The following EYA3 variants were observed in gnomAD, a reference collection of about 807,000 sequenced individuals.
EYA3 encodes protein phosphatase EYA3.
Under a neutral mutation model 80.0 loss-of-function variants are expected in EYA3, and 39 were observed. That is an observed-to-expected ratio of 0.49 (90% CI 0.38 to 0.64). The LOEUF is 0.64. Ranked by LOEUF, EYA3 falls within the 30% of genes least tolerant of loss-of-function variation. The pLI, the probability that EYA3 is intolerant of heterozygous loss-of-function variation, is 0.00. For synonymous variants in EYA3, 206 were observed against 232.8 expected, an observed-to-expected ratio of 0.88 and a Z score of 1.05; for missense variants, 523 against 676.1, an observed-to-expected ratio of 0.77 and a Z score of 2.51.
At chr1:28,059,423 A>G (rs1571919052) in intron 1 of EYA3, among the ~76,000 whole-genome samples, 2 of 152,354 alleles carry the variant, frequency 1.3e-5, no homozygotes, top group East Asian at 3.9e-4. Flanking sequence ...ACAGAGTGCA[A>G]TAAGTAAAGC....
intron 5 of EYA3, among the ~76,000 whole-genome samples, chr1:28,038,168 C>T (rs1437490498): frequency 6.6e-6 from 1 of 152,080 alleles, no homozygotes; most frequent in Non-Finnish European, 1.5e-5. Flanking sequence ...ACAGGCTGGG[C>T]GTGATGGCTC....
intron 1 of EYA3, among the ~76,000 whole-genome samples, chr1:28,059,029 A>G (rs759718426): frequency 3.9e-5 from 6 of 152,358 alleles, no homozygotes; most frequent in Non-Finnish European, 8.8e-5. Context: ...CCTAACTCAC[A>G]TACAAAGCTA....
intron 1 of EYA3, among the ~76,000 whole-genome samples, chr1:28,081,361 A>C (rs1645422488): frequency 6.6e-6 from 1 of 152,250 alleles, no homozygotes; most frequent in South Asian, 2.1e-4. Flanking sequence ...CTATAGCAGA[A>C]GAACACCTGG....
intron 8 of EYA3, among the ~76,000 whole-genome samples, chr1:28,014,435 A>G (rs1035318855): frequency 5.5e-4 from 82 of 149,650 alleles, no homozygotes; most frequent in Non-Finnish European, 9.2e-4. Context: ...AAAAAAAAAA[A>G]AAAAAAAAAA....
chr1:28,019,671 T>C (rs994120175), intron 7 of EYA3, among the ~76,000 whole-genome samples: 3 of 152,118 alleles, frequency 2.0e-5, no homozygotes, highest in African/African-American at 7.2e-5. Context: ...TTTTCACCTA[T>C]TGATCTTTAA....
chr1:28,060,946 G>A (rs111828327), intron 1 of EYA3, among the ~76,000 whole-genome samples: 326 of 152,278 alleles, frequency 2.1e-3, no homozygotes, highest in African/African-American at 5.3e-3. Flanking sequence ...CCTGGGAGGC[G>A]GAGGTTTCAG....
At chr1:28,016,169 A>G (rs1331827684) in intron 8 of EYA3, among the ~76,000 whole-genome samples, 1 of 152,098 alleles carries the variant, frequency 6.6e-6, no homozygotes, top group East Asian at 1.9e-4. Flanking sequence ...ATGAGAGAGA[A>G]AGAGACAGTC....
At chr1:28,043,150 C>A (rs1643877766) in intron 3 of EYA3, among the ~76,000 whole-genome samples, 1 of 151,960 alleles carries the variant, frequency 6.6e-6, no homozygotes, top group Non-Finnish European at 1.5e-5. Flanking sequence ...GTCTACTGTT[C>A]TTTCTTATAT....
At position 28,058,054 on chromosome 1, in the gene EYA3, A is replaced by C. The variant is rs778765395; in HGVS notation, c.-28T>G. 1.2e-5 allele frequency: 19 copies of C among 1,551,730 alleles called. No homozygotes were observed. The highest frequency in any genetic ancestry group is 1.7e-5 in the Non-Finnish European group (19 of 1,144,938). On this transcript the variant is annotated 5_prime_UTR_variant, in exon 2 of 18. Transcript: ENST00000373871. ...GGACCAATATTTCTTTATTATACTTATGTGACTGGATTGCAAGTCTCTCTC... is the reference window on the plus strand; with the variant it reads ...GGACCAATATTTCTTTATTATACTTCTGTGACTGGATTGCAAGTCTCTCTC...
chr1:28,010,766 AC>A, intron 10 of EYA3, 180 bp downstream of exon 10: 1 of 624,910 alleles, frequency 1.6e-6, no homozygotes. Context: ...TCTGGAATAT[AC>A]AGAATAATTT....
At chr1:27,988,915 C>T (rs1027824724) in intron 15 of EYA3, among the ~76,000 whole-genome samples, 7 of 152,142 alleles carry the variant, frequency 4.6e-5, no homozygotes, top group African/African-American at 1.7e-4. Flanking sequence ...CTTCTTTCCC[C>T]TCTGACCATT....
chr1:28,064,777 T>C (rs902694509), intron 1 of EYA3, among the ~76,000 whole-genome samples: 1 of 152,038 alleles, frequency 6.6e-6, no homozygotes, highest in Admixed American at 6.5e-5. Flanking sequence ...CATGTGCCAC[T>C]GCATCCAGCT....
At chr1:28,046,827 TAA>T (rs1488734521) in intron 3 of EYA3, among the ~76,000 whole-genome samples, 2 of 133,784 alleles carry the variant, frequency 1.5e-5, no homozygotes, top group Non-Finnish European at 3.1e-5. Flanking sequence ...ATCTTATAGT[TAA>T]GTTTATTTTT....
At chr1:28,071,577 A>G (rs1421271507) in intron 1 of EYA3, among the ~76,000 whole-genome samples, 3 of 152,232 alleles carry the variant, frequency 2.0e-5, no homozygotes, top group Admixed American at 1.3e-4. Context: ...TTCTAACTCA[A>G]CAATTACTTT....
intron 7 of EYA3, 117 bp from the exon 8 acceptor site, chr1:28,017,356 A>C: frequency 1.4e-6 from 1 of 719,596 alleles, no homozygotes; most frequent in Non-Finnish European, 2.3e-6. Flanking sequence ...ACATTGGCAA[A>C]GGAAACAAAC....
chr1:28,065,731 G>A (rs1489225873), intron 1 of EYA3, among the ~76,000 whole-genome samples: 2 of 150,490 alleles, frequency 1.3e-5, no homozygotes, highest in Non-Finnish European at 2.9e-5. Flanking sequence ...CAGGCTGGGT[G>A]CAGTGGCTCA....
chr1:28,045,001 G>A (rs1643950228), intron 3 of EYA3, among the ~76,000 whole-genome samples: 2 of 152,048 alleles, frequency 1.3e-5, no homozygotes, highest in South Asian at 4.1e-4. Context: ...CAAACTCCTG[G>A]TCTCAAGCAA....
At position 28,072,249 on chromosome 1, in the gene EYA3, A is replaced by G. The variant is rs151113277; in HGVS notation, c.-68-14155T>C. On this transcript the variant is annotated intron_variant, in intron 1 of 17. Coordinates refer to ENST00000373871, the MANE Select transcript of EYA3 (RefSeq NM_001990.4). Reference sequence around the variant, plus strand: ...TTAGTTACAGCCAGAAATAAAAATTAAACTATATAAATGCAAAGTGGTATC... The same window carrying G: ...TTAGTTACAGCCAGAAATAAAAATTGAACTATATAAATGCAAAGTGGTATC... Among the ~76,000 whole-genome samples the G allele has an allele frequency of 6.9e-3, 1,044 of 152,334 alleles. 5 individuals are homozygous for G. Among genetic ancestry groups the G allele is most frequent in the Non-Finnish European group, 0.01 (713 of 68,036 alleles).
At chr1:28,084,589 A>AT (rs1645573082) in intron 1 of EYA3, among the ~76,000 whole-genome samples, 1 of 15,712 alleles carries the variant, frequency 6.4e-5, no homozygotes, top group Non-Finnish European at 1.1e-4. Flanking sequence ...ATATATATAT[A>AT]TATATATTTT....
Sources: gnomAD v4.1 joint callset for allele counts (sites outside exome capture counted in the v4.1 genomes callset) on GRCh38, gnomAD v4.1.1 for gene constraint, MANE v1.5 for transcripts, NCBI Gene and HGNC (gene_info 2026-07-23, HGNC 2026-07-21) for gene names.